Variants in PCBP3 observed in about 807,000 individuals in gnomAD.
PCBP3 encodes the protein poly(rC) binding protein 3.
Under a neutral mutation model 52.7 loss-of-function variants are expected in PCBP3, and 25 were observed. The ratio of observed to expected loss-of-function variants is 0.47; its 90% CI spans 0.35 to 0.66. PCBP3 has a LOEUF of 0.66. PCBP3 is among the 30% of genes least tolerant of loss of function. PCBP3 has a pLI of 0.01. For missense variants in PCBP3, 391 were observed against 490.3 expected, an observed-to-expected ratio of 0.80 and a Z score of 1.91; for synonymous variants, 162 against 183.0, an observed-to-expected ratio of 0.89 and a Z score of 0.93.
chr21:45,839,761 A>G (rs1301691084), intron 4 of PCBP3, among the ~76,000 whole-genome samples: 1 of 152,178 alleles, frequency 6.6e-6, no homozygotes, highest in African/African-American at 2.4e-5. Flanking sequence ...AACTCGGCTC[A>G]CTGCAGCCTC....
intron 5 of PCBP3, among the ~76,000 whole-genome samples, chr21:45,870,657 G>C (rs1009638358): frequency 2.6e-5 from 4 of 152,240 alleles, no homozygotes; most frequent in Admixed American, 2.6e-4. Context: ...TGCACAGCAG[G>C]GTTGACTGGG....
intron 10 of PCBP3, 65 bp from the exon 11 acceptor site, chr21:45,910,823 TGGGTGCCGAGACTC>T: frequency 2.8e-6 from 4 of 1,433,248 alleles, no homozygotes; most frequent in Non-Finnish European, 3.8e-6. Context: ...CGAGCTGCCT[TGGGTGCCGAGACTC>T]GGGAGGTACT....
intron 2 of PCBP3, among the ~76,000 whole-genome samples, chr21:45,686,231 T>G (rs2082145378): frequency 6.6e-6 from 1 of 152,062 alleles, no homozygotes; most frequent in Non-Finnish European, 1.5e-5. Context: ...GATGAACAAT[T>G]CACATTGCTC....
chr21:45,713,964 C>T (rs2084036161), intron 2 of PCBP3, among the ~76,000 whole-genome samples: 1 of 152,234 alleles, frequency 6.6e-6, no homozygotes, highest in Non-Finnish European at 1.5e-5. Context: ...GGTCACACTC[C>T]AGTTGTGTTC....
intron 2 of PCBP3, among the ~76,000 whole-genome samples, chr21:45,693,350 A>G (rs2082592966): frequency 6.6e-6 from 1 of 152,142 alleles, no homozygotes; most frequent in Admixed American, 6.5e-5. Flanking sequence ...TTTATAGTAT[A>G]TGATTCCATT....
intron 4 of PCBP3, among the ~76,000 whole-genome samples, chr21:45,783,374 GA>G (rs1327808399): frequency 2.0e-5 from 3 of 152,126 alleles, no homozygotes; most frequent in African/African-American, 7.2e-5. Context: ...TTTCATGGTA[GA>G]AAAAAGTGTA....
intron 4 of PCBP3, among the ~76,000 whole-genome samples, chr21:45,849,211 C>T (rs7281515): frequency 0.63 from 81,485 of 130,230 alleles, 23,816 homozygotes; most frequent in East Asian, 0.93. Context: ...TTTTTTTTTT[C>T]TTTTTTGAGA....
At chr21:45,769,263 T>C (rs1412935657) in intron 4 of PCBP3, among the ~76,000 whole-genome samples, 2 of 152,254 alleles carry the variant, frequency 1.3e-5, no homozygotes, top group African/African-American at 2.4e-5. Context: ...TATTCTGTTA[T>C]TTGAATTGAG....
At chr21:45,688,347 A>G (rs1365573543) in intron 2 of PCBP3, among the ~76,000 whole-genome samples, 1 of 152,226 alleles carries the variant, frequency 6.6e-6, no homozygotes, top group African/African-American at 2.4e-5. Context: ...ACAAAATTAA[A>G]TTAGAAATCA....
Position 45,913,959 on chromosome 21 carries a change from G to A in PCBP3, c.609G>A (p.Pro203=), listed in dbSNP as rs746894659. Residue 203 remains proline, a synonymous_variant, in exon 12 of 18, where the codon CCG becomes CCA. Coordinates refer to ENST00000681687, the MANE Select transcript of PCBP3 (RefSeq NM_001384156.1). ...CCTGTCCCTTTTCCTAGTCCCCACC[G>A]AAAGGTGCCACCATTCCCTACCGCC... ...QICVVMLESP[P]KGATIPYRPK... The A allele has an allele frequency of 1.9e-5, 31 of 1,611,790 alleles. No individual in the cohort carries two copies. The highest frequency in any genetic ancestry group is 1.7e-4 in the African/African-American group (13 of 74,862).
chr21:45,749,869 C>G (rs1250603481), intron 3 of PCBP3: 1 of 152,246 alleles, frequency 6.6e-6, no homozygotes, highest in Non-Finnish European at 1.5e-5. Flanking sequence ...TATTTTCCCT[C>G]CAGCACAGGA....
chr21:45,649,514 T>C (rs2079543958), intron 1 of PCBP3, among the ~76,000 whole-genome samples: 1 of 152,258 alleles, frequency 6.6e-6, no homozygotes, highest in Non-Finnish European at 1.5e-5. Context: ...TGTACCAGTA[T>C]TGTTTATTGA....
chr21:45,686,681 G>C (rs1327202909), intron 2 of PCBP3, among the ~76,000 whole-genome samples: 3 of 152,220 alleles, frequency 2.0e-5, no homozygotes, highest in Middle Eastern at 3.4e-3. Flanking sequence ...AGGGCAACAT[G>C]AACATAGTAT....
At chr21:45,900,457 T>G (rs1029650564) in intron 7 of PCBP3, 134 bp from the exon 8 acceptor site, 297 of 673,932 alleles carry the variant, frequency 4.4e-4, no homozygotes, top group Admixed American at 1.9e-3. Context: ...GAGAGGCTGG[T>G]TTGCTCCTCC....
intron 3 of PCBP3, among the ~76,000 whole-genome samples, chr21:45,752,051 G>T (rs760443759): frequency 6.6e-6 from 1 of 151,864 alleles, no homozygotes; most frequent in Non-Finnish European, 1.5e-5. Flanking sequence ...GGAATATGCT[G>T]CAAATATTTT....
At chr21:45,647,917 G>A (rs1291249175) in intron 1 of PCBP3, among the ~76,000 whole-genome samples, 2 of 152,180 alleles carry the variant, frequency 1.3e-5, no homozygotes, top group Non-Finnish European at 2.9e-5. Context: ...TTATCTGGGT[G>A]GGCTCTGAGT....
intron 1 of PCBP3, among the ~76,000 whole-genome samples, chr21:45,664,380 A>C (rs993125324): frequency 4.7e-5 from 7 of 149,826 alleles, no homozygotes; most frequent in Admixed American, 6.6e-5. Flanking sequence ...ACTGAAGGTG[A>C]AATAAAGGCA....
intron 5 of PCBP3, among the ~76,000 whole-genome samples, chr21:45,850,805 G>T (rs2067381188): frequency 6.6e-6 from 1 of 152,208 alleles, no homozygotes; most frequent in African/African-American, 2.4e-5. Context: ...GTAACATAGG[G>T]ATGTATGTGT....
Position 45,689,359 on chromosome 21 carries a change from A to G in PCBP3, c.-200+20407A>G, listed in dbSNP as rs183727037. Among the ~76,000 whole-genome samples, 990 of 152,190 alleles carry G rather than the reference A, an allele frequency of 6.5e-3. 8 individuals carry two copies. Among genetic ancestry groups the G allele is most frequent in the Non-Finnish European group, 8.4e-3 (574 of 67,936 alleles). On this transcript the variant is annotated intron_variant, in intron 2 of 17. Coordinates refer to ENST00000681687, the MANE Select transcript of PCBP3 (RefSeq NM_001384156.1). ...CTCCTATGATCACCTCAATACATGC[A>G]GGTAAAACACTTGACAAAATTCAAC... is the stretch of plus-strand genomic sequence containing the variant.
Sources: gnomAD v4.1 joint callset for allele counts (sites outside exome capture counted in the v4.1 genomes callset) on GRCh38, gnomAD v4.1.1 for gene constraint, MANE v1.5 for transcripts, NCBI Gene and HGNC (gene_info 2026-07-23, HGNC 2026-07-21) for gene names.